ANKH: variants seen among roughly 807,000 people sequenced by gnomAD.
The protein encoded by ANKH is ANKH inorganic pyrophosphate transport regulator, also known as mineralization regulator ANKH.
ANKH carries 15 observed loss-of-function variants against 49.0 expected under a neutral mutation model. The ratio of observed to expected loss-of-function variants is 0.31; its 90% CI spans 0.20 to 0.47. ANKH has a LOEUF of 0.47. ANKH is among the 20% of genes least tolerant of loss of function. The pLI is 1.00. For synonymous variants in ANKH, 273 were observed against 260.0 expected (o/e 1.05, Z -0.48); for missense variants, 429 against 652.0 (o/e 0.66, Z 3.72).
At chr5:14,804,336 C>T (rs912817308) in intron 1 of ANKH, among the ~76,000 whole-genome samples, 8 of 152,234 alleles carry the variant, frequency 5.3e-5, no homozygotes, top group Non-Finnish European at 1.0e-4. Flanking sequence ...CGGAGCAGCC[C>T]TCCCACCACA....
In ANKH at chr5:14,729,916, C is replaced by T. The variant is rs975260293; in HGVS notation, c.1011+11911G>A. On this transcript the variant is annotated intron_variant, in intron 8 of 11. Transcript: ENST00000284268. ...TTTCCCTCCTGAGTTGCTCTCTCTG[C>T]GGCCTGAAGTTCTGAAGCTTTAGGA... Among the ~76,000 whole-genome samples the T allele has an allele frequency of 1.2e-4, 18 of 152,324 alleles. 1 individual carries two copies. Among genetic ancestry groups the T allele is most frequent in the South Asian group, 4.1e-4 (2 of 4,824 alleles).
chr5:14,843,490 A>G (rs1292927981), intron 1 of ANKH, among the ~76,000 whole-genome samples: 1 of 146,534 alleles, frequency 6.8e-6, no homozygotes, highest in Non-Finnish European at 1.5e-5. Context: ...CTCATTTTTT[A>G]TAATGCACCA....
At chr5:14,771,921 GAAAAA>G (rs869185652) in intron 1 of ANKH, among the ~76,000 whole-genome samples, 2 of 53,396 alleles carry the variant, frequency 3.7e-5, no homozygotes, top group Admixed American at 2.1e-4. Flanking sequence ...CTCAAAAAAA[GAAAAA>G]AAAAAAAAAA....
At chr5:14,845,257 C>T (rs749907729) in intron 1 of ANKH, among the ~76,000 whole-genome samples, 6 of 151,782 alleles carry the variant, frequency 4.0e-5, no homozygotes, top group Non-Finnish European at 7.4e-5. Context: ...AGTCCAGAAC[C>T]GTCTTTCTTC....
chr5:14,786,341 A>G (rs185393216), intron 1 of ANKH, among the ~76,000 whole-genome samples: 2 of 152,346 alleles, frequency 1.3e-5, no homozygotes, highest in East Asian at 1.9e-4. Flanking sequence ...AATGTCATAA[A>G]TATGTCAGAG....
intron 1 of ANKH, among the ~76,000 whole-genome samples, chr5:14,829,736 C>T (rs1184902186): frequency 1.3e-5 from 2 of 152,154 alleles, no homozygotes; most frequent in Admixed American, 6.5e-5. Context: ...ACATTTCCTG[C>T]GTTTTATTTA....
chr5:14,713,411 C>T lies in ANKH; in HGVS notation c.1265+133G>A. 7.4e-7 allele frequency: 1 copy of T among 1,351,456 alleles called. No individual in the cohort carries two copies. Among genetic ancestry groups the T allele is most frequent in the East Asian group, 2.5e-5 (1 of 39,868 alleles). 83.7% of individuals were successfully genotyped at this position (1,351,456 alleles called of 1,614,324 possible). A position where few individuals can be genotyped will look rare whatever the true frequency, so the allele number is the denominator to read the frequency against. On this transcript the variant is annotated intron_variant, in intron 10 of 11. Coordinates refer to ENST00000284268, the MANE Select transcript of ANKH (RefSeq NM_054027.6). The surrounding 1 kb of genome is among the most constrained non-coding windows in gnomAD (Gnocchi z 4.4). ...CCTCCACCTGGTGCCTGGGCAGACACACAAAACATCATTCTGAATTTCCGA... is the reference window on the plus strand; with the variant it reads ...CCTCCACCTGGTGCCTGGGCAGACATACAAAACATCATTCTGAATTTCCGA...
intron 9 of ANKH, 40 bp downstream of exon 9, chr5:14,716,666 G>A (rs773722294): frequency 6.2e-7 from 1 of 1,612,228 alleles, no homozygotes; most frequent in South Asian, 1.1e-5. Flanking sequence ...TTAGGCATGA[G>A]GATAAACAGG....
intron 2 of ANKH, among the ~76,000 whole-genome samples, chr5:14,762,668 T>C (rs1739125227): frequency 6.8e-6 from 1 of 146,158 alleles, no homozygotes; most frequent in African/African-American, 2.5e-5. Context: ...ACAACTGTTT[T>C]CACCCACTCT....
At chr5:14,834,635 G>T (rs894322366) in intron 1 of ANKH, among the ~76,000 whole-genome samples, 1 of 152,072 alleles carries the variant, frequency 6.6e-6, no homozygotes. Context: ...GTAAAAATTA[G>T]CCAGGTGTGG....
At chr5:14,849,149 T>C (rs1226303970) in intron 1 of ANKH, among the ~76,000 whole-genome samples, 1 of 152,210 alleles carries the variant, frequency 6.6e-6, no homozygotes. Context: ...CCCTTTGGAC[T>C]TGCCTCAACC....
chr5:14,740,875 C>T (rs1394259488), intron 8 of ANKH, among the ~76,000 whole-genome samples: 3 of 152,214 alleles, frequency 2.0e-5, no homozygotes, highest in African/African-American at 7.2e-5. Context: ...TTGACAATGA[C>T]AACTGCACAC....
At chr5:14,857,219 C>T (rs1318209078) in intron 1 of ANKH, among the ~76,000 whole-genome samples, 1 of 152,230 alleles carries the variant, frequency 6.6e-6, no homozygotes, top group Non-Finnish European at 1.5e-5. Context: ...GAGGTGAGAT[C>T]TTCCCAGATA....
intron 2 of ANKH, among the ~76,000 whole-genome samples, chr5:14,762,748 G>C (rs893976675): frequency 2.9e-5 from 4 of 139,338 alleles, no homozygotes. Context: ...GGGTGGGGGG[G>C]TAATTTGTTT....
At chr5:14,761,763 C>CT (rs35602674) in intron 2 of ANKH, among the ~76,000 whole-genome samples, 146 of 146,430 alleles carry the variant, frequency 1.0e-3, no homozygotes, top group Non-Finnish European at 1.7e-3. Flanking sequence ...CCCCTTTTGC[C>CT]TTTTTTTTTT....
At chr5:14,728,909 C>G (rs368087945) in intron 8 of ANKH, among the ~76,000 whole-genome samples, 1 of 152,118 alleles carries the variant, frequency 6.6e-6, no homozygotes, top group Non-Finnish European at 1.5e-5. Flanking sequence ...GCCCAAGCAG[C>G]GGCAAGACAG....
intron 1 of ANKH, among the ~76,000 whole-genome samples, chr5:14,841,208 G>A (rs1741805362): frequency 6.6e-6 from 1 of 151,424 alleles, no homozygotes; most frequent in Admixed American, 6.6e-5. Flanking sequence ...GAGCTCCAAG[G>A]AAAAATAATT....
chr5:14,769,184 T>C lies in ANKH; in HGVS notation c.104A>G (p.Asn35Ser). ...IAIDFGEQAL[N>S]RGIAAVKEDA... is the part of the protein sequence containing the mutation. ...CTCCTTGACAGCAGCAATGCCCCGG[T>C]TCAAGGCCTGGGAAGGGGGAAAAAA... The change falls in exon 2 of 12, where the codon AAC (asparagine) becomes AGC (serine). Residue 35 changes from asparagine to serine, a missense_variant. Asn to Ser is a conservative substitution (Grantham distance 46). Coordinates refer to ENST00000284268, the MANE Select transcript of ANKH (RefSeq NM_054027.6). 6.2e-7 allele frequency: 1 copy of C among 1,613,390 alleles called. No homozygotes were observed. The highest frequency in any genetic ancestry group is 8.5e-7 in the Non-Finnish European group (1 of 1,179,690).
At chr5:14,743,128 G>A (rs754444816) in intron 7 of ANKH, among the ~76,000 whole-genome samples, 3 of 152,192 alleles carry the variant, frequency 2.0e-5, no homozygotes, top group Non-Finnish European at 4.4e-5. Flanking sequence ...ACCTCTGAAT[G>A]AGTATACGTT....
Sources: gnomAD v4.1 joint callset for allele counts (sites outside exome capture counted in the v4.1 genomes callset) on GRCh38, gnomAD v4.1.1 for gene constraint, Gnocchi (gnomAD v3.1) non-coding constraint, MANE v1.5 for transcripts, NCBI Gene and HGNC (gene_info 2026-07-23, HGNC 2026-07-21) for gene names.